The following RIMKLB variants were observed in gnomAD, a reference collection of about 807,000 sequenced individuals.
RIMKLB encodes ribosomal modification protein rimK like family member B, also known as beta-citrylglutamate synthase B.
In RIMKLB, 7 loss-of-function variants were observed where a neutral mutation model predicts 32.0. That is an observed-to-expected ratio of 0.22 (90% CI 0.12 to 0.41). The LOEUF (loss-of-function observed/expected upper bound fraction) is 0.41. Ranked by LOEUF, RIMKLB falls within the 10% of genes least tolerant of loss-of-function variation. RIMKLB has a pLI of 1.00. For synonymous variants in RIMKLB, 172 were observed against 185.1 expected (o/e 0.93, Z 0.57); for missense variants, 289 against 498.7 (o/e 0.58, Z 4.00).
At chr12:8,716,431 C>CTTTTTT (rs11307521) in intron 2 of RIMKLB, among the ~76,000 whole-genome samples, 37 of 81,638 alleles carry the variant, frequency 4.5e-4, no homozygotes, top group Middle Eastern at 0.011. Context: ...ATTAACATGT[C>CTTTTTT]TTTTTTTTTT....
upstream of RIMKLB, among the ~76,000 whole-genome samples, chr12:8,694,917 C>A (rs1253959562): frequency 1.3e-5 from 2 of 152,204 alleles, no homozygotes; most frequent in African/African-American, 4.8e-5. Context: ...GTTTTGGTAT[C>A]AGTTAGTCTT....
At chr12:8,730,477 G>C (rs2137275763) in intron 2 of RIMKLB, among the ~76,000 whole-genome samples, 1 of 152,320 alleles carries the variant, frequency 6.6e-6, no homozygotes, top group South Asian at 2.1e-4. Flanking sequence ...CATGTCTCCA[G>C]CTATAATAGC....
chr12:8,720,712 G>A (rs1178256867), intron 2 of RIMKLB, among the ~76,000 whole-genome samples: 2 of 152,128 alleles, frequency 1.3e-5, no homozygotes, highest in Non-Finnish European at 2.9e-5. Flanking sequence ...GCTAATTTTT[G>A]CATTTTTGGT....
At chr12:8,678,817 G>A (rs1438242030), upstream of RIMKLB, 1 of 152,168 alleles carries the variant, frequency 6.6e-6, no homozygotes, top group Non-Finnish European at 1.5e-5. Flanking sequence ...TGGTGCAGGG[G>A]ATGCAAAGGA....
upstream of RIMKLB, among the ~76,000 whole-genome samples, chr12:8,693,945 T>A (rs979911791): frequency 1.3e-5 from 2 of 152,034 alleles, no homozygotes; most frequent in African/African-American, 2.4e-5. Context: ...ATTTATTTTT[T>A]AAAAATAGAG....
intron 1 of RIMKLB, among the ~76,000 whole-genome samples, chr12:8,713,445 A>G (rs908027028): frequency 4.6e-5 from 7 of 152,354 alleles, no homozygotes; most frequent in African/African-American, 1.7e-4. Flanking sequence ...TTTCATATCA[A>G]GAACAGAATG....
intron 5 of RIMKLB, among the ~76,000 whole-genome samples, chr12:8,769,989 G>C (rs1250746958): frequency 2.7e-4 from 38 of 138,940 alleles, no homozygotes; most frequent in Non-Finnish European, 2.6e-4. Context: ...TTTTTTTTGG[G>C]AGATGGAATT....
chr12:8,772,580 C>T (rs969886325), intron 5 of RIMKLB, among the ~76,000 whole-genome samples: 2 of 152,302 alleles, frequency 1.3e-5, no homozygotes, highest in East Asian at 1.9e-4. Context: ...TTTATTCCTA[C>T]AGCCTCAGTG....
intron 2 of RIMKLB, among the ~76,000 whole-genome samples, chr12:8,745,135 G>T (rs1331306892): frequency 6.6e-6 from 1 of 151,836 alleles, no homozygotes; most frequent in Non-Finnish European, 1.5e-5. Flanking sequence ...GTTTTTAGTA[G>T]AGACGGGTTT....
chr12:8,758,838 A>T (rs766085307), intron 5 of RIMKLB, among the ~76,000 whole-genome samples: 2 of 152,248 alleles, frequency 1.3e-5, no homozygotes, highest in African/African-American at 4.8e-5. Flanking sequence ...GCATTGGTCT[A>T]TTGCAAGGTC....
intron 2 of RIMKLB, 101 bp from the exon 3 acceptor site, chr12:8,749,761 G>A: frequency 1.3e-6 from 1 of 740,880 alleles, no homozygotes; most frequent in East Asian, 2.7e-5. Flanking sequence ...TAACAAAATA[G>A]TACATTTCAT....
chr12:8,713,085 T>G (rs1944516756), intron 1 of RIMKLB, among the ~76,000 whole-genome samples: 1 of 152,240 alleles, frequency 6.6e-6, no homozygotes, highest in Non-Finnish European at 1.5e-5. Context: ...AAGCTGCATT[T>G]ATTTTTAAAA....
intron 2 of RIMKLB, among the ~76,000 whole-genome samples, chr12:8,718,667 A>ATGTGTG (rs1296960908): frequency 0.011 from 1,448 of 132,646 alleles, 17 homozygotes; most frequent in Non-Finnish European, 0.013. Flanking sequence ...ATATATATAT[A>ATGTGTG]TATGTGTGTG....
At chr12:8,700,934 C>G (rs950737170) in intron 1 of RIMKLB, among the ~76,000 whole-genome samples, 1 of 151,984 alleles carries the variant, frequency 6.6e-6, no homozygotes. Flanking sequence ...GGCATGGTGA[C>G]GCACACCTGT....
At chr12:8,771,894 T>G (rs1950437911) in intron 5 of RIMKLB, among the ~76,000 whole-genome samples, 2 of 152,158 alleles carry the variant, frequency 1.3e-5, no homozygotes, top group Admixed American at 6.5e-5. Context: ...GTTTTGTTTT[T>G]GTTTTTGTTT....
In RIMKLB at chr12:8,751,980, ATGAT is replaced by A; in HGVS notation, c.435_438del (p.Ile145MetfsTer11). 6.2e-7 allele frequency: 1 copy of A among 1,613,690 alleles called. No individual in the cohort carries two copies. The highest frequency in any genetic ancestry group is 8.5e-7 in the Non-Finnish European group (1 of 1,179,738). On this transcript the variant is annotated frameshift_variant, in exon 4 of 6. Coordinates refer to ENST00000535829, the MANE Select transcript of RIMKLB (RefSeq NM_001297776.2). LOFTEE classifies it high-confidence loss of function. ...AGGTGGCCACGAAAATTTTGCTAAAATGATTGATGAGGCTGAAGTTCTGGAGTTC... is the reference window on the plus strand; with the variant it reads ...AGGTGGCCACGAAAATTTTGCTAAAATGATGAGGCTGAAGTTCTGGAGTTC...
At position 8,705,625 on chromosome 12, in the gene RIMKLB, C is replaced by T. The variant is rs528842843; in HGVS notation, c.-57+7328C>T. On this transcript the variant is annotated intron_variant, in intron 1 of 5. Transcript: ENST00000535829. ...CCTTAATAAGGATAGGTATATCAGT[C>T]AGGGTTCTCCAGGGAAATAGACTCA... Among the ~76,000 whole-genome samples the T allele has an allele frequency of 3.0e-3, 457 of 152,224 alleles. 2 individuals are homozygous for T. The highest frequency in any genetic ancestry group is 5.1e-3 in the Non-Finnish European group (344 of 68,020).
intron 2 of RIMKLB, among the ~76,000 whole-genome samples, chr12:8,743,407 T>TGCTCAAGG: frequency 6.8e-6 from 1 of 146,950 alleles, no homozygotes; most frequent in South Asian, 2.2e-4. Context: ...TAATCTGGAA[T>TGCTCAAGG]GCTCAAGGAT....
Position 8,773,522 on chromosome 12 carries a change from C to T in RIMKLB, c.899C>T (p.Ala300Val). Residue 300 changes from alanine (A) to valine (V), a missense_variant, in exon 6 of 6, where the codon GCA becomes GTA. Physicochemically the swap from Ala to Val is moderately conservative, Grantham distance 64. This residue lies in a region of RIMKLB where 99 missense variants were observed against 133.9 expected (regional missense o/e 0.74). Transcript: ENST00000535829. Reference protein sequence around the residue: ...ACNLDVAGIIADYAASLLPSG... With the variant: ...ACNLDVAGIIVDYAASLLPSG... ...AATCTAGATGTAGCTGGTATCATAG[C>T]AGACTATGCCGCCTCCCTTCTACCC... The T allele has an allele frequency of 3.1e-6, 5 of 1,614,236 alleles. No homozygotes were observed. Among genetic ancestry groups the T allele is most frequent in the Non-Finnish European group, 4.2e-6 (5 of 1,180,030 alleles).
Sources: gnomAD v4.1 joint callset for allele counts (sites outside exome capture counted in the v4.1 genomes callset) on GRCh38, gnomAD v4.1.1 for gene constraint, gnomAD v4.1.1 regional missense constraint, MANE v1.5 for transcripts, NCBI Gene and HGNC (gene_info 2026-07-23, HGNC 2026-07-21) for gene names.